Variants in TMC1 observed in about 807,000 individuals in gnomAD.
TMC1 encodes the protein transmembrane channel-like protein 1.
In TMC1, 84 loss-of-function variants were observed where a neutral mutation model predicts 105.8. The observed-to-expected ratio is 0.79, with a 90% CI of 0.67 to 0.95. The LOEUF is 0.95. TMC1 is among the 40% of genes least tolerant of loss of function. The pLI, the probability that TMC1 is intolerant of heterozygous loss-of-function variation, is 0.00. For synonymous variants in TMC1, 315 were observed against 311.5 expected (o/e 1.01, Z -0.12); for missense variants, 817 against 914.1 (o/e 0.89, Z 1.37).
intron 8 of TMC1, among the ~76,000 whole-genome samples, chr9:72,716,061 C>T (rs187412293): frequency 1.3e-5 from 2 of 152,342 alleles, no homozygotes; most frequent in African/African-American, 4.8e-5. Flanking sequence ...CCACTCCAGA[C>T]CCTGTTCACT....
chr9:72,760,649 G>T (rs1412451095), intron 12 of TMC1, among the ~76,000 whole-genome samples: 1 of 152,074 alleles, frequency 6.6e-6, no homozygotes, highest in East Asian at 1.9e-4. Context: ...GCTGACCTTG[G>T]ACAGACTATA....
chr9:72,556,021 T>C (rs1033821088), intron 1 of TMC1, among the ~76,000 whole-genome samples: 1 of 92,342 alleles, frequency 1.1e-5, no homozygotes, highest in African/African-American at 4.1e-5. Context: ...CAGAGAAGAG[T>C]GGAAATATCA....
At chr9:72,763,468 T>C (rs1233168587) in intron 12 of TMC1, among the ~76,000 whole-genome samples, 6 of 152,174 alleles carry the variant, frequency 3.9e-5, no homozygotes, top group African/African-American at 1.2e-4. Context: ...AGAGAACTTA[T>C]AGAAGACAAC....
At chr9:72,590,533 A>T (rs529085527) in intron 2 of TMC1, among the ~76,000 whole-genome samples, 1 of 152,288 alleles carries the variant, frequency 6.6e-6, no homozygotes, top group East Asian at 1.9e-4. Context: ...AATACTTAAA[A>T]TTCTTTCGAC....
intron 20 of TMC1, 64 bp downstream of exon 20, chr9:72,821,145 C>T: frequency 1.2e-6 from 2 of 1,608,110 alleles, no homozygotes; most frequent in Non-Finnish European, 1.7e-6. Context: ...TGGGAATGGT[C>T]ATTCATTGTA....
At chr9:72,781,112 A>G (rs1198006770) in intron 13 of TMC1, among the ~76,000 whole-genome samples, 2 of 152,218 alleles carry the variant, frequency 1.3e-5, no homozygotes, top group Admixed American at 6.5e-5. Flanking sequence ...AGTCACACCA[A>G]CAACATTCTT....
intron 4 of TMC1, among the ~76,000 whole-genome samples, chr9:72,638,161 C>T (rs996666364): frequency 1.1e-4 from 16 of 152,092 alleles, no homozygotes; most frequent in Admixed American, 7.2e-4. Context: ...TCTCTCCTCC[C>T]GCCCCCAGCC....
intron 4 of TMC1, 145 bp from the exon 5 acceptor site, chr9:72,648,452 A>T: frequency 1.6e-6 from 1 of 635,278 alleles, no homozygotes. Context: ...CAAACTAAAC[A>T]TTCGTGAAAA....
chr9:72,820,435 G>C (rs948353426), intron 19 of TMC1, among the ~76,000 whole-genome samples: 10 of 152,002 alleles, frequency 6.6e-5, no homozygotes, highest in Non-Finnish European at 2.9e-5. Flanking sequence ...TGACTTTAAG[G>C]GTTAATTATT....
intron 23 of TMC1, among the ~76,000 whole-genome samples, chr9:72,834,368 A>G (rs1411946584): frequency 6.6e-6 from 1 of 151,696 alleles, no homozygotes; most frequent in Non-Finnish European, 1.5e-5. Context: ...CTGCTTTGTG[A>G]CCCTCAGCTC....
chr9:72,716,062 C>T (rs1326783111), intron 8 of TMC1, among the ~76,000 whole-genome samples: 1 of 152,194 alleles, frequency 6.6e-6, no homozygotes, highest in Non-Finnish European at 1.5e-5. Context: ...CACTCCAGAC[C>T]CTGTTCACTT....
At position 72,668,995 on chromosome 9, in the gene TMC1, A is replaced by G. The variant is rs1380016075; in HGVS notation, c.17-19714A>G. ...CATTTTTAGAAAACAAAAACATAAC[A>G]CAATTTTGCCCTTTTAAAAGATAAT... On this transcript the variant is annotated intron_variant, in intron 5 of 23. Coordinates refer to ENST00000297784, the MANE Select transcript of TMC1 (RefSeq NM_138691.3). Among the ~76,000 whole-genome samples, 3 of 152,286 alleles carry G rather than the reference A, an allele frequency of 2.0e-5. No individual in the cohort carries two copies. The East Asian group carries it at 5.8e-4, about 29-fold the overall frequency.
chr9:72,798,469 A>G (rs1465426314), intron 17 of TMC1, among the ~76,000 whole-genome samples: 1 of 152,180 alleles, frequency 6.6e-6, no homozygotes, highest in Non-Finnish European at 1.5e-5. Flanking sequence ...AATGTCCATC[A>G]ATGACAGATT....
intron 8 of TMC1, among the ~76,000 whole-genome samples, chr9:72,733,820 C>T (rs960719302): frequency 1.3e-5 from 2 of 152,130 alleles, no homozygotes; most frequent in South Asian, 4.1e-4. Context: ...GACGTCTTAC[C>T]ATAGATCTTA....
chr9:72,836,262 A>G lies in TMC1; in HGVS notation c.*289A>G. ...ACAAATTGAGTTTAGAAGTGAGTGT[A>G]ATCCAGCAATACAGTTTACTGGTTT... On this transcript the variant is annotated 3_prime_UTR_variant, in exon 24 of 24. Coordinates refer to ENST00000297784, the MANE Select transcript of TMC1 (RefSeq NM_138691.3). 1 of 469,708 alleles carries G rather than the reference A, an allele frequency of 2.1e-6. No individual in the cohort carries two copies. The highest frequency in any genetic ancestry group is 3.4e-5 in the East Asian group (1 of 29,170). The allele number at this position is 469,708 out of a possible 1,614,324, so 29.1% of individuals were successfully genotyped here.
chr9:72,694,383 CT>C (rs1826515110), intron 6 of TMC1, 159 bp from the exon 7 acceptor site: 1 of 621,640 alleles, frequency 1.6e-6, no homozygotes, highest in African/African-American at 1.8e-5. Context: ...AAATGATGGG[CT>C]ATGAAATATG....
intron 18 of TMC1, among the ~76,000 whole-genome samples, chr9:72,811,775 T>TAA (rs1427743771): frequency 6.6e-6 from 1 of 152,136 alleles, no homozygotes. Context: ...CTCAGGATTA[T>TAA]CCATAAATAA....
At chr9:72,711,909 G>A (rs1318724857) in intron 8 of TMC1, among the ~76,000 whole-genome samples, 2 of 152,062 alleles carry the variant, frequency 1.3e-5, no homozygotes, top group Non-Finnish European at 2.9e-5. Flanking sequence ...TAGGTTTTAG[G>A]TTTAAGTCTT....
At chr9:72,835,535 A>G (rs1160929483) in intron 23 of TMC1, among the ~76,000 whole-genome samples, 1 of 152,222 alleles carries the variant, frequency 6.6e-6, no homozygotes, top group East Asian at 1.9e-4. Flanking sequence ...ATTGTTTTAA[A>G]TGATAATATA....
Sources: gnomAD v4.1 joint callset for allele counts (sites outside exome capture counted in the v4.1 genomes callset) on GRCh38, gnomAD v4.1.1 for gene constraint, MANE v1.5 for transcripts, NCBI Gene and HGNC (gene_info 2026-07-23, HGNC 2026-07-21) for gene names.